The following MICU1 variants were observed in gnomAD, a reference collection of about 807,000 sequenced individuals.
The protein encoded by MICU1 is calcium uptake protein 1, mitochondrial.
A neutral mutation model predicts 56.8 loss-of-function variants in MICU1; 45 were observed. That is an observed-to-expected ratio of 0.79 (90% CI 0.62 to 1.02). The LOEUF (loss-of-function observed/expected upper bound fraction) is 1.02, where lower values mean the gene tolerates loss of function less well. Among genes scored for constraint, MICU1 ranks in the 50% least tolerant of loss-of-function variants. The pLI, the probability that MICU1 is intolerant of heterozygous loss-of-function variation, is 0.00. For synonymous variants in MICU1, 186 were observed against 195.1 expected (o/e 0.95, Z 0.39); for missense variants, 504 against 587.1 (o/e 0.86, Z 1.46).
At chr10:72,595,810 T>C (rs931480677) in intron 1 of MICU1, among the ~76,000 whole-genome samples, 2 of 152,080 alleles carry the variant, frequency 1.3e-5, no homozygotes, top group South Asian at 2.1e-4. Context: ...CCCTTTCCCA[T>C]AGAGGCTTTT....
At chr10:72,453,458 G>A (rs1214508894) in intron 8 of MICU1, among the ~76,000 whole-genome samples, 1 of 151,654 alleles carries the variant, frequency 6.6e-6, no homozygotes, top group Non-Finnish European at 1.5e-5. Flanking sequence ...GACAAGATCA[G>A]TAAACCAAGC....
At chr10:72,413,794 T>C (rs915320015) in intron 9 of MICU1, among the ~76,000 whole-genome samples, 6 of 152,054 alleles carry the variant, frequency 3.9e-5, no homozygotes, top group Non-Finnish European at 5.9e-5. Flanking sequence ...TAACTCAATA[T>C]ATGGGAAGAC....
intron 1 of MICU1, among the ~76,000 whole-genome samples, chr10:72,598,382 A>G (rs553681010): frequency 6.6e-6 from 1 of 152,026 alleles, no homozygotes; most frequent in African/African-American, 2.4e-5. Context: ...CAGCCTCCCA[A>G]GTAGCTGAGA....
Position 72,533,796 on chromosome 10 carries a change from A to C in MICU1, c.494-7T>G. On this transcript the variant is annotated splice_polypyrimidine_tract_variant and splice_region_variant and intron_variant, in intron 4 of 11. Transcript: ENST00000361114. ...TATTGATCCAGACCCAAGTCTGTAA[A>C]AGAAAAGGAAAAAACATTTAGCTAC... The C allele has an allele frequency of 1.3e-6, 2 of 1,574,226 alleles. No homozygotes were observed. Among genetic ancestry groups the C allele is most frequent in the Non-Finnish European group, 1.7e-6 (2 of 1,159,878 alleles).
intron 1 of MICU1, among the ~76,000 whole-genome samples, chr10:72,595,621 C>T (rs971487172): frequency 6.6e-5 from 10 of 152,142 alleles, no homozygotes; most frequent in Non-Finnish European, 1.3e-4. Context: ...ACTTCTTCCA[C>T]ACTTCTGACT....
At position 72,623,925 on chromosome 10, in the gene MICU1, C is replaced by A. The variant is rs1323696668; in HGVS notation, c.-2+2085G>T. Among the ~76,000 whole-genome samples the A allele has an allele frequency of 3.3e-5, 5 of 151,808 alleles. No individual in the cohort carries two copies. The East Asian group carries it at 7.7e-4, about 23-fold the overall frequency. On this transcript the variant is annotated intron_variant, in intron 1 of 11. Coordinates refer to ENST00000361114, the MANE Select transcript of MICU1 (RefSeq NM_001195518.2). ...TTAATTAATTAATTAAAAACTGGTTCTTATTTTAAAAGGGATACACTAAAC... is the reference window on the plus strand; with the variant it reads ...TTAATTAATTAATTAAAAACTGGTTATTATTTTAAAAGGGATACACTAAAC...
At chr10:72,369,117 A>C (rs1025926894) in intron 11 of MICU1, among the ~76,000 whole-genome samples, 1 of 151,800 alleles carries the variant, frequency 6.6e-6, no homozygotes, top group African/African-American at 2.4e-5. Context: ...GTCTCTAAAA[A>C]TTTTTTTCAA....
chr10:72,524,280 T>C (rs1867905762), intron 5 of MICU1, among the ~76,000 whole-genome samples: 1 of 152,140 alleles, frequency 6.6e-6, no homozygotes, highest in Non-Finnish European at 1.5e-5. Context: ...TTAAATGTTT[T>C]CATAGAGATG....
chr10:72,516,771 T>G (rs1158859570), intron 5 of MICU1, among the ~76,000 whole-genome samples: 2 of 152,212 alleles, frequency 1.3e-5, no homozygotes, highest in Non-Finnish European at 2.9e-5. Flanking sequence ...TTCTGAGGTC[T>G]CTGTTCTGTT....
intron 9 of MICU1, among the ~76,000 whole-genome samples, chr10:72,418,909 A>G (rs867563445): frequency 6.6e-6 from 1 of 152,232 alleles, no homozygotes; most frequent in Admixed American, 6.5e-5. Flanking sequence ...AGGACAATCA[A>G]TCTTAATCTC....
At chr10:72,490,896 TTC>T (rs1866632788) in intron 6 of MICU1, among the ~76,000 whole-genome samples, 1 of 152,202 alleles carries the variant, frequency 6.6e-6, no homozygotes, top group African/African-American at 2.4e-5. Context: ...GACCCGTTTT[TTC>T]CCCTCAATTT....
chr10:72,518,454 T>C (rs565774106), intron 5 of MICU1, among the ~76,000 whole-genome samples: 8 of 152,154 alleles, frequency 5.3e-5, no homozygotes, highest in Admixed American at 1.3e-4. Flanking sequence ...AATTCAAATA[T>C]AGTAAACTAT....
chr10:72,442,003 T>C (rs1362373665), intron 8 of MICU1, among the ~76,000 whole-genome samples: 1 of 152,152 alleles, frequency 6.6e-6, no homozygotes, highest in Non-Finnish European at 1.5e-5. Context: ...GAAAACTCTC[T>C]AAGTCAGTAG....
chr10:72,463,747 G>GTTTTATAAA (rs1865706346), intron 8 of MICU1, among the ~76,000 whole-genome samples: 1 of 152,054 alleles, frequency 6.6e-6, no homozygotes, highest in African/African-American at 2.4e-5. Flanking sequence ...TATAAATTTA[G>GTTTTATAAA]TATACCCTAA....
chr10:72,613,269 AT>A (rs34740619), intron 1 of MICU1, among the ~76,000 whole-genome samples: 130 of 129,332 alleles, frequency 1.0e-3, no homozygotes, highest in South Asian at 3.2e-3. Flanking sequence ...TTTACCCCTA[AT>A]TTTTTTTTTT....
chr10:72,474,646 T>C (rs1422372543), intron 8 of MICU1, among the ~76,000 whole-genome samples: 1 of 152,168 alleles, frequency 6.6e-6, no homozygotes, highest in Non-Finnish European at 1.5e-5. Flanking sequence ...TGTATGCCAC[T>C]GTGCCTGGTT....
intron 5 of MICU1, among the ~76,000 whole-genome samples, chr10:72,510,442 T>C (rs992400651): frequency 2.0e-5 from 3 of 152,200 alleles, no homozygotes; most frequent in Non-Finnish European, 4.4e-5. Flanking sequence ...TACCTCAGCA[T>C]AGATTTCCTG....
At chr10:72,517,576 G>A (rs1460563396) in intron 5 of MICU1, among the ~76,000 whole-genome samples, 1 of 152,090 alleles carries the variant, frequency 6.6e-6, no homozygotes, top group African/African-American at 2.4e-5. Flanking sequence ...AAGCTATGAA[G>A]ATGCAAACGC....
intron 8 of MICU1, among the ~76,000 whole-genome samples, chr10:72,447,022 T>C (rs1865126605): frequency 6.6e-6 from 1 of 152,196 alleles, no homozygotes; most frequent in Non-Finnish European, 1.5e-5. Context: ...CTTTCTACTC[T>C]TCACATGAAC....
Sources: gnomAD v4.1 joint callset for allele counts (sites outside exome capture counted in the v4.1 genomes callset) on GRCh38, gnomAD v4.1.1 for gene constraint, MANE v1.5 for transcripts, NCBI Gene and HGNC (gene_info 2026-07-23, HGNC 2026-07-21) for gene names.